The following DNAAF4 variants were observed in gnomAD, a reference collection of about 807,000 sequenced individuals.
DNAAF4 encodes dynein assembly factor 4, axonemal.
DNAAF4 carries 43 observed loss-of-function variants against 51.8 expected under a neutral mutation model. That is an observed-to-expected ratio of 0.83 (90% confidence interval 0.65 to 1.07). The LOEUF (loss-of-function observed/expected upper bound fraction) is 1.07. Ranked by LOEUF, DNAAF4 falls within the 50% of genes least tolerant of loss-of-function variation. DNAAF4 has a pLI of 0.00. For synonymous variants in DNAAF4, 194 were observed against 165.6 expected, an observed-to-expected ratio of 1.17 and a Z score of -1.32; for missense variants, 581 against 493.0, an observed-to-expected ratio of 1.18 and a Z score of -1.69.
At chr15:55,464,286 CT>C (rs1414931935) in intron 5 of DNAAF4, among the ~76,000 whole-genome samples, 1 of 152,178 alleles carries the variant, frequency 6.6e-6, no homozygotes, top group African/African-American at 2.4e-5. Flanking sequence ...CATCTCTCCC[CT>C]AACACAAAAA....
In DNAAF4 at chr15:55,439,576, T is replaced by C. The variant is rs754204516; in HGVS notation, c.789A>G (p.Leu263=). 1.9e-6 allele frequency: 3 copies of C among 1,613,630 alleles called. No homozygotes were observed. The highest frequency in any genetic ancestry group is 1.7e-5 in the Admixed American group (1 of 59,960). The change falls in exon 7 of 10, where the codon CTA becomes CTG. Residue 263 remains leucine, a synonymous_variant. Transcript: ENST00000321149. ...CTCTTCGTGCCTCAGCTTGTTTGTG[T>C]AGCCACTAGAATGAGAAAGAAGTCT... ...ESQVAEEEEW[L]HKQAEARRAM... is the part of the protein sequence containing the mutation.
intron 5 of DNAAF4, among the ~76,000 whole-genome samples, chr15:55,452,176 A>C (rs776603273): frequency 2.3e-5 from 3 of 128,780 alleles, no homozygotes; most frequent in Non-Finnish European, 4.7e-5. Flanking sequence ...TCAACCTGGG[A>C]GGCAGAGGCT....
downstream of DNAAF4, among the ~76,000 whole-genome samples, chr15:55,425,598 A>G (rs1234440609): frequency 6.6e-6 from 1 of 151,204 alleles, no homozygotes; most frequent in Non-Finnish European, 1.5e-5. Flanking sequence ...TTTTCACTTT[A>G]CTGTTCAACT....
chr15:55,465,872 C>G (rs2058164331), intron 5 of DNAAF4, among the ~76,000 whole-genome samples: 1 of 152,054 alleles, frequency 6.6e-6, no homozygotes, highest in African/African-American at 2.4e-5. Flanking sequence ...GGCCCATGTT[C>G]TCACTCATAA....
intron 4 of DNAAF4, among the ~76,000 whole-genome samples, chr15:55,469,474 CTTTTTTTT>C (rs1162485238): frequency 3.0e-5 from 2 of 66,274 alleles, no homozygotes; most frequent in African/African-American, 1.3e-4. Flanking sequence ...CTTACCAATT[CTTTTTTTT>C]TTTTTTTTTT....
chr15:55,417,932 A>G, exon 8 of DNAAF4: 1 of 534,748 alleles, frequency 1.9e-6, no homozygotes, highest in Non-Finnish European at 3.3e-6. Context: ...CAAGGTGCTC[A>G]GTGGGGGAGG....
Position 55,449,855 on chromosome 15 carries a change from C to T in DNAAF4, c.783+367G>A, listed in dbSNP as rs187579102. 1.1e-4 allele frequency among the ~76,000 whole-genome samples: 17 copies of T among 151,668 alleles called. 1 individual carries two copies. The highest frequency in any genetic ancestry group is 7.2e-4 in the Admixed American group (11 of 15,202). ...CTGCGATCACAGGTGCTCGCCACCA[C>T]GCCAGGCTAATTTTTGTATTTTTAG... On this transcript the variant is annotated intron_variant, in intron 6 of 9. Coordinates refer to ENST00000321149, the MANE Select transcript of DNAAF4 (RefSeq NM_130810.4).
chr15:55,442,541 A>C, intron 6 of DNAAF4: 1 of 868,478 alleles, frequency 1.2e-6, no homozygotes, highest in Non-Finnish European at 2.0e-6. Context: ...GCTTCTCCCT[A>C]CAGGGATTCA....
chr15:55,444,041 AG>A (rs1220652483), intron 6 of DNAAF4, among the ~76,000 whole-genome samples: 1 of 152,038 alleles, frequency 6.6e-6, no homozygotes, highest in East Asian at 1.9e-4. Context: ...GAGGCTCTTT[AG>A]TTTAATTAGA....
At chr15:55,507,572 G>A (rs1293104831) in intron 1 of DNAAF4, among the ~76,000 whole-genome samples, 1 of 152,160 alleles carries the variant, frequency 6.6e-6, no homozygotes, top group Non-Finnish European at 1.5e-5. Flanking sequence ...TCATAAGTCA[G>A]GGGTCGTCTG....
intron 7 of DNAAF4, among the ~76,000 whole-genome samples, chr15:55,420,517 T>C (rs948078952): frequency 1.3e-5 from 2 of 152,196 alleles, no homozygotes; most frequent in Non-Finnish European, 2.9e-5. Context: ...ATTATAAAAG[T>C]TGAATCTTCT....
downstream of DNAAF4, among the ~76,000 whole-genome samples, chr15:55,428,895 G>A (rs1218571120): frequency 6.6e-6 from 1 of 152,024 alleles, no homozygotes; most frequent in African/African-American, 2.4e-5. Context: ...CTTGATTCAT[G>A]AGTCACTGAT....
rs1396007594 is a variant in DNAAF4 at position 55,430,747 on chromosome 15, C to G, written c.1186G>C (p.Asp396His). ...LQDYEAALKI[D>H]PSNKIVQIDA... ...ATTTGTACAATTTTGTTGGATGGAT[C>G]AATCTTAAGTGCCGCTTCATAATCC... The change falls in exon 10 of 10, where the codon GAT (aspartate) becomes CAT (histidine). Residue 396 changes from aspartate to histidine, a missense_variant. Coordinates refer to ENST00000321149, the MANE Select transcript of DNAAF4 (RefSeq NM_130810.4). The G allele has an allele frequency of 6.2e-7, 1 of 1,613,250 alleles. No homozygotes were observed. Among genetic ancestry groups the G allele is most frequent in the Non-Finnish European group, 8.5e-7 (1 of 1,179,582 alleles).
Position 55,450,307 on chromosome 15 carries a change from C to T in DNAAF4, c.698G>A (p.Arg233His), listed in dbSNP as rs373052739. ...GTTGATTTTAATACTGCCAACAGAG[C>T]GAGGAGCAGGAATACTGTCTTCCTT... ...KLKEDSIPAP[R>H]SVGSIKINFT... The change falls in exon 6 of 10, where the codon CGC (arginine) becomes CAC (histidine). Residue 233 changes from arginine (R) to histidine (H), a missense_variant. Physicochemically the swap from Arg to His is conservative, Grantham distance 29. Transcript: ENST00000321149. The T allele has an allele frequency of 1.4e-5, 23 of 1,613,748 alleles. No individual in the cohort carries two copies. The highest frequency in any genetic ancestry group is 1.3e-4 in the South Asian group (12 of 90,990).
chr15:55,455,387 A>AATATATATATATCTATATATAT (rs2058003376), intron 5 of DNAAF4, among the ~76,000 whole-genome samples: 1 of 127,374 alleles, frequency 7.9e-6, no homozygotes, highest in African/African-American at 3.1e-5. Context: ...TAGCAAATTG[A>AATATATATATATCTATATATAT]ATATATATAT....
chr15:55,478,096 T>C (rs917064265), intron 4 of DNAAF4, among the ~76,000 whole-genome samples: 1 of 152,094 alleles, frequency 6.6e-6, no homozygotes, highest in African/African-American at 2.4e-5. Context: ...AGGAACATCA[T>C]CATTACTACT....
intron 4 of DNAAF4, among the ~76,000 whole-genome samples, chr15:55,479,717 G>A (rs547607320): frequency 1.3e-5 from 2 of 152,204 alleles, no homozygotes; most frequent in South Asian, 4.2e-4. Flanking sequence ...AAAGGAATGT[G>A]TTCCTAGGCG....
chr15:55,461,321 C>A (rs1202359099), intron 5 of DNAAF4, among the ~76,000 whole-genome samples: 3 of 152,170 alleles, frequency 2.0e-5, no homozygotes, highest in Non-Finnish European at 4.4e-5. Context: ...TGGTCTCGAT[C>A]TCCTGACCTC....
chr15:55,419,626 T>A (rs766373716), intron 7 of DNAAF4, among the ~76,000 whole-genome samples: 1 of 152,156 alleles, frequency 6.6e-6, no homozygotes. Flanking sequence ...GAGCAAATAT[T>A]TTTTGAACCC....
Sources: allele counts gnomAD v4.1 joint callset (sites outside exome capture counted in the v4.1 genomes callset), GRCh38; gene constraint gnomAD v4.1.1; transcripts MANE v1.5; gene names NCBI Gene and HGNC (gene_info 2026-07-23, HGNC 2026-07-21).